POLH: variants seen among roughly 807,000 people sequenced by gnomAD.
POLH encodes the protein DNA polymerase eta.
Under a neutral mutation model 73.6 loss-of-function variants are expected in POLH, and 53 were observed. The ratio of observed to expected loss-of-function variants is 0.72; its 90% CI spans 0.58 to 0.91. The LOEUF (loss-of-function observed/expected upper bound fraction) is 0.91. Among genes scored for constraint, POLH ranks in the 40% least tolerant of loss-of-function variants. POLH has a pLI of 0.00. For synonymous variants in POLH, 292 were observed against 308.5 expected, an observed-to-expected ratio of 0.95 and a Z score of 0.56; for missense variants, 768 against 865.4, an observed-to-expected ratio of 0.89 and a Z score of 1.41.
intron 9 of POLH, among the ~76,000 whole-genome samples, chr6:43,606,147 ACTT>A (rs1561910915): frequency 6.6e-6 from 1 of 151,058 alleles, no homozygotes; most frequent in African/African-American, 2.5e-5. Context: ...CATTTCACAT[ACTT>A]TTTTGTAAAA....
At chr6:43,591,193 A>G (rs1277309466) in intron 4 of POLH, 1 of 152,264 alleles carries the variant, frequency 6.6e-6, no homozygotes, top group Non-Finnish European at 1.5e-5. Flanking sequence ...AAATCATGGT[A>G]CATAAGCTTT....
intron 4 of POLH, among the ~76,000 whole-genome samples, chr6:43,593,523 A>G (rs1006007376): frequency 6.6e-6 from 1 of 152,236 alleles, no homozygotes; most frequent in East Asian, 1.9e-4. Flanking sequence ...GTAGATCCCC[A>G]CTTTTCAGGC....
intron 4 of POLH, among the ~76,000 whole-genome samples, chr6:43,592,680 G>T (rs1177947921): frequency 6.6e-6 from 1 of 152,154 alleles, no homozygotes; most frequent in Non-Finnish European, 1.5e-5. Flanking sequence ...CTCCCAAAGT[G>T]CTGGGATTAC....
At position 43,615,648 on chromosome 6, in the gene POLH, TAAAA is replaced by T. The variant is rs754993861; in HGVS notation, c.*1100_*1103del. 1 of 143,708 alleles carries T rather than the reference TAAAA, an allele frequency of 7.0e-6. No homozygotes were observed. Among genetic ancestry groups the T allele is most frequent in the Non-Finnish European group, 1.5e-5 (1 of 65,250 alleles). 8.9% of individuals were successfully genotyped at this position (143,708 alleles called of 1,614,324 possible). A position where few individuals can be genotyped will look rare whatever the true frequency, so the allele number is the denominator to read the frequency against. The stretch of plus-strand genomic sequence containing the variant: ...TTAAATGTAATGAGACTTGCATAGT[TAAAA>T]AAAAAAAAGGGATTATTTTTATTTT... On this transcript the variant is annotated 3_prime_UTR_variant, in exon 11 of 11. Transcript: ENST00000372236.
intron 6 of POLH, 93 bp from the exon 7 acceptor site, chr6:43,603,799 G>T: frequency 8.0e-7 from 1 of 1,254,580 alleles, no homozygotes; most frequent in Non-Finnish European, 1.2e-6. Context: ...TGAACCTTTT[G>T]GAGAGCTGTT....
chr6:43,610,583 G>T lies in POLH; in HGVS notation c.1104G>T (p.Val368=). The T allele has an allele frequency of 6.2e-7, 1 of 1,614,050 alleles. No homozygotes were observed. Among genetic ancestry groups the T allele is most frequent in the Non-Finnish European group, 8.5e-7 (1 of 1,180,006 alleles). The change falls in exon 10 of 11, where the codon GTG becomes GTT. Residue 368 remains valine (V), a synonymous_variant. Transcript: ENST00000372236. ...ACAGGGTAGCCACCCAGCTGGTTGT[G>T]AGCATTCGTGTACAAGGAGACAAAC... ...DNDRVATQLV[V]SIRVQGDKRL...
Position 43,615,054 on chromosome 6 carries a change from G to C in POLH, c.*497G>C, listed in dbSNP as rs1480295485. ...AGGCCGAGGCAGACAGATCACCTGA[G>C]GTCAGGAGTTTGAGACCAGCCTGGC... On this transcript the variant is annotated 3_prime_UTR_variant, in exon 11 of 11. Transcript: ENST00000372236. 1 of 153,954 alleles carries C rather than the reference G, an allele frequency of 6.5e-6. No individual in the cohort carries two copies. Among genetic ancestry groups the C allele is most frequent in the Admixed American group, 6.5e-5 (1 of 15,418 alleles). 9.5% of individuals were successfully genotyped at this position (153,954 alleles called of 1,614,324 possible).
intron 1 of POLH, among the ~76,000 whole-genome samples, chr6:43,581,864 G>A (rs184572037): frequency 0.033 from 4,919 of 150,424 alleles, 253 homozygotes; most frequent in African/African-American, 0.11. Context: ...AGCCCGCGGC[G>A]CCTTCGAGCC....
chr6:43,596,522 G>A (rs1368522396), intron 4 of POLH, among the ~76,000 whole-genome samples: 2 of 152,056 alleles, frequency 1.3e-5, no homozygotes, highest in South Asian at 2.1e-4. Flanking sequence ...ATAAAATAGG[G>A]TGGTGGGTTG....
intron 4 of POLH, among the ~76,000 whole-genome samples, chr6:43,597,372 C>A (rs1029549313): frequency 2.6e-5 from 4 of 152,208 alleles, no homozygotes; most frequent in Non-Finnish European, 4.4e-5. Context: ...GCCTTGCTCT[C>A]CCAAAATGCT....
intron 1 of POLH, chr6:43,578,513 A>G (rs923947074): frequency 8.4e-6 from 3 of 357,126 alleles, no homozygotes; most frequent in African/African-American, 6.7e-5. Context: ...GACAAGAGCG[A>G]GACTTTGTCT....
At chr6:43,612,773 T>C (rs949361487) in intron 10 of POLH, among the ~76,000 whole-genome samples, 10 of 151,974 alleles carry the variant, frequency 6.6e-5, no homozygotes, top group South Asian at 6.2e-4. Context: ...TTAGACACAA[T>C]GAGGAACTTT....
intron 1 of POLH, among the ~76,000 whole-genome samples, chr6:43,580,787 G>C (rs1275805299): frequency 5.5e-4 from 71 of 128,710 alleles, no homozygotes; most frequent in African/African-American, 1.9e-3. Flanking sequence ...CCTCCCTCCC[G>C]GACTGGGCGG....
chr6:43,591,192 T>C (rs951741367), intron 4 of POLH: 2 of 152,214 alleles, frequency 1.3e-5, no homozygotes, highest in Non-Finnish European at 2.9e-5. Flanking sequence ...AAAATCATGG[T>C]ACATAAGCTT....
intron 7 of POLH, 57 bp downstream of exon 7, chr6:43,604,068 A>G (rs1767015885): frequency 2.1e-6 from 3 of 1,413,790 alleles, no homozygotes; most frequent in Non-Finnish European, 3.0e-6. Flanking sequence ...ATATTCAAAT[A>G]TAGACAAAAC....
At chr6:43,610,460 C>T in intron 9 of POLH, 94 bp from the exon 10 acceptor site, 2 of 996,188 alleles carry the variant, frequency 2.0e-6, no homozygotes, top group South Asian at 2.6e-5. Flanking sequence ...CATTGTCACC[C>T]TGGTTCTTTT....
chr6:43,586,201 G>C (rs1419312029), intron 3 of POLH, among the ~76,000 whole-genome samples: 1 of 152,114 alleles, frequency 6.6e-6, no homozygotes, highest in Non-Finnish European at 1.5e-5. Context: ...TATATTGGCC[G>C]GATGTGGTGG....
chr6:43,620,447 G>T lies in POLH; in HGVS notation c.*5890G>T. 2.7e-6 allele frequency: 1 copy of T among 377,016 alleles called. No homozygotes were observed. The highest frequency in any genetic ancestry group is 5.1e-6 in the Non-Finnish European group (1 of 195,894). 23.4% of individuals were successfully genotyped at this position (377,016 alleles called of 1,614,324 possible). The stretch of plus-strand genomic sequence containing the variant: ...GTCTCTAATCCTGAAGAGGTATCTA[G>T]CCCTGGAAGGAAGCTGAGCCTGTAG... On this transcript the variant is annotated 3_prime_UTR_variant, in exon 11 of 11. Coordinates refer to ENST00000372236, the MANE Select transcript of POLH (RefSeq NM_006502.3).
chr6:43,593,763 C>T (rs774150315), intron 4 of POLH, among the ~76,000 whole-genome samples: 1 of 151,428 alleles, frequency 6.6e-6, no homozygotes, highest in Non-Finnish European at 1.5e-5. Flanking sequence ...GCCTATAATC[C>T]TAGCTTTTCG....
Sources: allele counts gnomAD v4.1 joint callset (sites outside exome capture counted in the v4.1 genomes callset), GRCh38; gene constraint gnomAD v4.1.1; transcripts MANE v1.5; gene names NCBI Gene and HGNC (gene_info 2026-07-23, HGNC 2026-07-21).